The following ALPK2 variants were observed in gnomAD, a reference collection of about 807,000 sequenced individuals.
ALPK2 encodes alpha kinase 2.
In ALPK2, 127 loss-of-function variants were observed where a neutral mutation model predicts 163.1. The observed-to-expected ratio is 0.78, with a 90% CI of 0.67 to 0.90. The LOEUF (loss-of-function observed/expected upper bound fraction) is 0.90, where lower values mean the gene tolerates loss of function less well. Among genes scored for constraint, ALPK2 ranks in the 40% least tolerant of loss-of-function variants. The pLI is 0.00. For missense variants in ALPK2, 2,360 were observed against 2,589.6 expected (o/e 0.91, Z 1.92); for synonymous variants, 953 against 959.1 (o/e 0.99, Z 0.12).
intron 4 of ALPK2, among the ~76,000 whole-genome samples, chr18:58,565,786 TCTTC>T (rs1206248479): frequency 1.1e-4 from 17 of 150,084 alleles, no homozygotes; most frequent in African/African-American, 4.0e-4. Flanking sequence ...TTTCTTTCTT[TCTTC>T]CTTTCTTCCT....
chr18:58,512,699 GTGTGTA>G (rs140601751), intron 10 of ALPK2, among the ~76,000 whole-genome samples: 17,258 of 145,692 alleles, frequency 0.12, 1,161 homozygotes, highest in Non-Finnish European at 0.17. Flanking sequence ...TGTTCGTGTG[GTGTGTA>G]TGTGTATGTG....
intron 4 of ALPK2, among the ~76,000 whole-genome samples, chr18:58,543,858 C>T (rs1325903156): frequency 6.6e-6 from 1 of 152,160 alleles, no homozygotes; most frequent in African/African-American, 2.4e-5. Context: ...GGCTACAGAG[C>T]CCTTTCCAAC....
intron 12 of ALPK2, among the ~76,000 whole-genome samples, chr18:58,496,878 AC>A (rs1661481203): frequency 6.6e-6 from 1 of 151,342 alleles, no homozygotes; most frequent in Non-Finnish European, 1.5e-5. Context: ...CACCCCTAAT[AC>A]CCCCTCTGTG....
intron 4 of ALPK2, among the ~76,000 whole-genome samples, chr18:58,560,487 C>G (rs1049639048): frequency 6.6e-6 from 1 of 152,226 alleles, no homozygotes; most frequent in Non-Finnish European, 1.5e-5. Flanking sequence ...AAAGCCAGCA[C>G]AGTAGCATCT....
intron 4 of ALPK2, among the ~76,000 whole-genome samples, chr18:58,540,611 G>C (rs934865027): frequency 4.6e-5 from 7 of 152,156 alleles, no homozygotes; most frequent in Non-Finnish European, 8.8e-5. Context: ...CAGAAAACAT[G>C]GGGAACTTCC....
At chr18:58,601,956 G>T (rs1356367922) in intron 3 of ALPK2, among the ~76,000 whole-genome samples, 1 of 152,146 alleles carries the variant, frequency 6.6e-6, no homozygotes, top group African/African-American at 2.4e-5. Flanking sequence ...ATGTTCAACA[G>T]CAGGTTTGGC....
chr18:58,568,845 T>G (rs2144185448), intron 4 of ALPK2, among the ~76,000 whole-genome samples: 1 of 152,298 alleles, frequency 6.6e-6, no homozygotes, highest in South Asian at 2.1e-4. Flanking sequence ...ATCAGAGACA[T>G]GAGCATCCTC....
chr18:58,486,773 C>T (rs188597060), intron 12 of ALPK2, among the ~76,000 whole-genome samples: 9 of 152,298 alleles, frequency 5.9e-5, no homozygotes, highest in African/African-American at 9.6e-5. Flanking sequence ...TGCTTTGACC[C>T]GTTCTCACAA....
At chr18:58,601,266 G>A (rs1314429358) in intron 3 of ALPK2, among the ~76,000 whole-genome samples, 2 of 151,698 alleles carry the variant, frequency 1.3e-5, no homozygotes, top group Non-Finnish European at 2.9e-5. Context: ...AAAAAAAAAA[G>A]GATAAAAAAA....
At chr18:58,514,159 G>A (rs1023819492) in intron 10 of ALPK2, among the ~76,000 whole-genome samples, 1 of 152,222 alleles carries the variant, frequency 6.6e-6, no homozygotes, top group Non-Finnish European at 1.5e-5. Context: ...GTACTGAAGT[G>A]TGTTAAGCAT....
intron 4 of ALPK2, among the ~76,000 whole-genome samples, chr18:58,572,352 A>G (rs2051890140): frequency 6.6e-6 from 1 of 152,192 alleles, no homozygotes; most frequent in Non-Finnish European, 1.5e-5. Context: ...TTCATTACAA[A>G]CTAAATATGC....
chr18:58,627,432 C>G (rs1401774150), intron 1 of ALPK2, among the ~76,000 whole-genome samples: 3 of 152,016 alleles, frequency 2.0e-5, no homozygotes, highest in Non-Finnish European at 4.4e-5. Context: ...ACCAGCCTGG[C>G]CAACATGGTG....
chr18:58,563,894 G>A (rs1427467472), intron 4 of ALPK2, among the ~76,000 whole-genome samples: 1 of 152,046 alleles, frequency 6.6e-6, no homozygotes, highest in Non-Finnish European at 1.5e-5. Context: ...CATGTTAAAG[G>A]ATTAGTAAAT....
At chr18:58,494,616 T>TCAC (rs976637795) in intron 12 of ALPK2, among the ~76,000 whole-genome samples, 7 of 152,128 alleles carry the variant, frequency 4.6e-5, no homozygotes, top group African/African-American at 1.7e-4. Flanking sequence ...ATGGTGGTGC[T>TCAC]GTTCCCCCAG....
intron 1 of ALPK2, among the ~76,000 whole-genome samples, chr18:58,622,136 C>T (rs2052204734): frequency 6.6e-6 from 1 of 152,050 alleles, no homozygotes; most frequent in South Asian, 2.1e-4. Flanking sequence ...CACCTGAGGT[C>T]AGGAGTTCGA....
Position 58,537,597 on chromosome 18 carries a change from A to G in ALPK2, c.2590T>C (p.Phe864Leu), listed in dbSNP as rs2051659823. 1.9e-6 allele frequency: 3 copies of G among 1,613,856 alleles called. No individual in the cohort carries two copies. Residue 864 changes from phenylalanine to leucine, a missense_variant, in exon 5 of 13, where the codon TTT (phenylalanine) becomes CTT (leucine). By Grantham distance (22) the Phe-to-Leu change is conservative. Transcript: ENST00000361673. ...SSNDKTLEVF[F>L]QTQVSETSVS... ...GAAGTCTCAGACACTTGTGTCTGAA[A>G]AAAGACTTCCAGTGTCTTGTCATTA...
intron 3 of ALPK2, among the ~76,000 whole-genome samples, chr18:58,598,976 C>T (rs1050990660): frequency 2.6e-5 from 4 of 152,176 alleles, no homozygotes; most frequent in Admixed American, 1.3e-4. Flanking sequence ...ACGTGTCCAA[C>T]TTCTAGTGAT....
chr18:58,609,331 G>A (rs914469822), intron 2 of ALPK2, among the ~76,000 whole-genome samples: 5 of 152,118 alleles, frequency 3.3e-5, no homozygotes, highest in African/African-American at 1.2e-4. Flanking sequence ...CAAAAAATGG[G>A]CTTCCCTGAA....
rs1159084201 is a variant in ALPK2 at position 58,580,445 on chromosome 18, G to C, written c.331C>G (p.Pro111Ala). 3 of 1,614,082 alleles carry C rather than the reference G, an allele frequency of 1.9e-6. No homozygotes were observed. In the South Asian group the frequency reaches 3.3e-5, roughly 18 times the overall value. ...SVEVECSSEN[P>A]QLSPNLEDDR... is the part of the protein sequence containing the mutation. ...TCTTCCAGGTTAGGAGACAATTGTG[G>C]GTTCTCTGATGAGCACTCAACCTCA... The change falls in exon 4 of 13, where the codon CCA (proline) becomes GCA (alanine). Residue 111 changes from proline to alanine, a missense_variant. Transcript: ENST00000361673.
Sources: gnomAD v4.1 joint callset for allele counts (sites outside exome capture counted in the v4.1 genomes callset) on GRCh38, gnomAD v4.1.1 for gene constraint, MANE v1.5 for transcripts, NCBI Gene and HGNC (gene_info 2026-07-23, HGNC 2026-07-21) for gene names.